CNTN4: variants seen among roughly 807,000 people sequenced by gnomAD.
The protein encoded by CNTN4 is contactin-4.
A neutral mutation model predicts 122.5 loss-of-function variants in CNTN4; 77 were observed. That is an observed-to-expected ratio of 0.63 (90% CI 0.52 to 0.76). The LOEUF is 0.76. Ranked by LOEUF, CNTN4 falls within the 30% of genes least tolerant of loss-of-function variation. The pLI is 0.00. For missense variants in CNTN4, 1,256 were observed against 1,259.1 expected (o/e 1.00, Z 0.04); for synonymous variants, 512 against 447.0 (o/e 1.15, Z -1.83).
At chr3:2,932,800 C>CTTTATTTATTTATTTATTTA (rs71058655) in intron 13 of CNTN4, among the ~76,000 whole-genome samples, 2 of 148,842 alleles carry the variant, frequency 1.3e-5, no homozygotes, top group Non-Finnish European at 3.0e-5. Context: ...TGCTTACAGT[C>CTTTATTTATTTATTTATTTA]TTTATTTATT....
At chr3:2,730,100 T>C (rs2088569829) in intron 4 of CNTN4, among the ~76,000 whole-genome samples, 1 of 152,144 alleles carries the variant, frequency 6.6e-6, no homozygotes, top group Non-Finnish European at 1.5e-5. Flanking sequence ...TGCTTGAGAC[T>C]GGAGGTGTTT....
At chr3:2,333,013 G>T (rs1462223406) in intron 2 of CNTN4, among the ~76,000 whole-genome samples, 1 of 152,136 alleles carries the variant, frequency 6.6e-6, no homozygotes, top group Admixed American at 6.5e-5. Flanking sequence ...GTCACTGGTT[G>T]TTCACCCTGG....
At chr3:2,819,411 T>G in intron 6 of CNTN4, 75 bp from the exon 7 acceptor site, 3 of 1,158,380 alleles carry the variant, frequency 2.6e-6, no homozygotes, top group Non-Finnish European at 3.9e-6. Flanking sequence ...GATTCTCTTT[T>G]GAAATAGTGG....
At chr3:2,238,208 AG>A (rs1286897307) in intron 2 of CNTN4, among the ~76,000 whole-genome samples, 1 of 152,152 alleles carries the variant, frequency 6.6e-6, no homozygotes, top group Non-Finnish European at 1.5e-5. Context: ...TATATGGTGA[AG>A]GAATAATAAA....
intron 2 of CNTN4, among the ~76,000 whole-genome samples, chr3:2,157,636 T>C (rs926681324): frequency 1.3e-5 from 2 of 152,200 alleles, no homozygotes; most frequent in Non-Finnish European, 2.9e-5. Context: ...AAATGTGCTT[T>C]TGTGAAAATC....
At chr3:2,968,962 G>C (rs896713806) in intron 13 of CNTN4, among the ~76,000 whole-genome samples, 26 of 152,142 alleles carry the variant, frequency 1.7e-4, no homozygotes, top group Non-Finnish European at 3.7e-4. Flanking sequence ...AGGCATTTTT[G>C]ACAACTTTAT....
At chr3:2,344,712 G>A (rs2044337175) in intron 3 of CNTN4, among the ~76,000 whole-genome samples, 1 of 152,014 alleles carries the variant, frequency 6.6e-6, no homozygotes, top group African/African-American at 2.4e-5. Flanking sequence ...GTAAAATAAG[G>A]GTACTGATTA....
chr3:2,250,936 A>C (rs1296829459), intron 2 of CNTN4, among the ~76,000 whole-genome samples: 2 of 151,926 alleles, frequency 1.3e-5, no homozygotes, highest in Non-Finnish European at 2.9e-5. Context: ...AGGAATAATT[A>C]GTAAAGACAC....
At chr3:2,787,324 C>T (rs866996423) in intron 6 of CNTN4, among the ~76,000 whole-genome samples, 10 of 151,906 alleles carry the variant, frequency 6.6e-5, no homozygotes, top group African/African-American at 1.9e-4. Flanking sequence ...TGCAGTGAGC[C>T]GAGATCATGC....
intron 2 of CNTN4, among the ~76,000 whole-genome samples, chr3:2,328,006 C>T (rs1021412808): frequency 1.6e-4 from 24 of 152,190 alleles, no homozygotes; most frequent in African/African-American, 4.8e-4. Context: ...AGCAATATCA[C>T]ACATGGTTGC....
intron 3 of CNTN4, among the ~76,000 whole-genome samples, chr3:2,543,387 TG>T (rs1483307639): frequency 2.0e-5 from 3 of 152,080 alleles, no homozygotes; most frequent in African/African-American, 7.2e-5. Context: ...GAGAGGCAGT[TG>T]TGGGAGTCTA....
chr3:2,113,384 C>T (rs2033107032), intron 2 of CNTN4, among the ~76,000 whole-genome samples: 1 of 152,082 alleles, frequency 6.6e-6, no homozygotes, highest in Non-Finnish European at 1.5e-5. Context: ...TTGCCCATGG[C>T]CGTGTTGTAA....
chr3:2,251,660 G>C (rs1359048673), intron 2 of CNTN4, among the ~76,000 whole-genome samples: 1 of 151,696 alleles, frequency 6.6e-6, no homozygotes, highest in Non-Finnish European at 1.5e-5. Context: ...AACATATTAT[G>C]TAGTCTCTTA....
At chr3:2,806,865 G>A (rs2092479553) in intron 6 of CNTN4, among the ~76,000 whole-genome samples, 1 of 152,118 alleles carries the variant, frequency 6.6e-6, no homozygotes, top group African/African-American at 2.4e-5. Context: ...ACACTTAGAA[G>A]TAGGATGGAA....
chr3:2,714,307 C>G (rs1380745157), intron 4 of CNTN4, among the ~76,000 whole-genome samples: 1 of 152,056 alleles, frequency 6.6e-6, no homozygotes, highest in Non-Finnish European at 1.5e-5. Flanking sequence ...CATAGAGGAG[C>G]TGGGATTTAA....
intron 17 of CNTN4, among the ~76,000 whole-genome samples, chr3:3,035,401 A>G (rs966133126): frequency 1.3e-5 from 2 of 152,094 alleles, no homozygotes; most frequent in African/African-American, 4.8e-5. Flanking sequence ...AAAATGCATC[A>G]ATCTGTATTA....
At chr3:2,667,484 G>C (rs2084238941) in intron 4 of CNTN4, among the ~76,000 whole-genome samples, 1 of 152,062 alleles carries the variant, frequency 6.6e-6, no homozygotes, top group South Asian at 2.1e-4. Context: ...GTAGATTCTG[G>C]ATATTAGCCC....
chr3:2,781,710 G>C (rs1232182861), intron 6 of CNTN4, among the ~76,000 whole-genome samples: 3 of 142,178 alleles, frequency 2.1e-5, no homozygotes, highest in Non-Finnish European at 4.5e-5. Flanking sequence ...TCCAGGCTTT[G>C]GGTAAATTTT....
intron 4 of CNTN4, among the ~76,000 whole-genome samples, chr3:2,581,954 G>A (rs772566959): frequency 7.2e-5 from 11 of 152,162 alleles, no homozygotes; most frequent in Admixed American, 3.3e-4. Flanking sequence ...AAGCCATAGG[G>A]ACAGAAAGTA....
Sources: gnomAD v4.1 joint callset for allele counts (sites outside exome capture counted in the v4.1 genomes callset) on GRCh38, gnomAD v4.1.1 for gene constraint, MANE v1.5 for transcripts, NCBI Gene and HGNC (gene_info 2026-07-23, HGNC 2026-07-21) for gene names.